The following RNF20 variants were observed in gnomAD, a reference collection of about 807,000 sequenced individuals.
RNF20 encodes the protein ring finger protein 20.
A neutral mutation model predicts 126.2 loss-of-function variants in RNF20; 84 were observed. That is an observed-to-expected ratio of 0.67 (90% CI 0.56 to 0.80). The LOEUF is 0.80. RNF20 is among the 30% of genes least tolerant of loss of function. RNF20 has a pLI of 0.00. For synonymous variants in RNF20, 400 were observed against 414.3 expected (o/e 0.97, Z 0.42); for missense variants, 869 against 1,188.2 (o/e 0.73, Z 3.95).
intron 5 of RNF20, among the ~76,000 whole-genome samples, chr9:101,544,032 T>G (rs534724168): frequency 6.7e-6 from 1 of 149,904 alleles, no homozygotes; most frequent in East Asian, 2.0e-4. Flanking sequence ...AAGCATATTT[T>G]TCTTCCTGAT....
chr9:101,555,715 G>A (rs2118729220), intron 15 of RNF20, among the ~76,000 whole-genome samples: 1 of 152,046 alleles, frequency 6.6e-6, no homozygotes, highest in Middle Eastern at 3.4e-3. Flanking sequence ...ACTTTGGGAG[G>A]CCGAGGTGGA....
intron 5 of RNF20, among the ~76,000 whole-genome samples, chr9:101,543,574 ACCTGCCAGAGCGGCACTGTCTAAC>A (rs1387772610): frequency 4.6e-5 from 6 of 131,864 alleles, no homozygotes; most frequent in Non-Finnish European, 6.5e-5. Context: ...GCACTGTCTA[ACCTGCCAGAGCGGCACTGTCTAAC>A]CCTGCCAGGG....
chr9:101,562,147 A>T, intron 19 of RNF20, 99 bp from the exon 20 acceptor site: 3 of 1,362,426 alleles, frequency 2.2e-6, no homozygotes, highest in Non-Finnish European at 3.0e-6. Context: ...CTCTTTTTTT[A>T]GTGCCTTGTG....
intron 9 of RNF20, among the ~76,000 whole-genome samples, chr9:101,549,652 C>T (rs1192395451): frequency 2.6e-5 from 4 of 152,108 alleles, no homozygotes; most frequent in South Asian, 2.1e-4. Context: ...CGCTAGACCA[C>T]GGTCCACCTG....
At chr9:101,548,665 CT>C (rs1827392305) in intron 9 of RNF20, among the ~76,000 whole-genome samples, 2 of 152,160 alleles carry the variant, frequency 1.3e-5, no homozygotes, top group Admixed American at 6.5e-5. Flanking sequence ...GATATATCTA[CT>C]TCTTTACTTA....
At chr9:101,537,824 TTAA>T (rs1325086207) in intron 2 of RNF20, among the ~76,000 whole-genome samples, 1 of 152,176 alleles carries the variant, frequency 6.6e-6, no homozygotes, top group Non-Finnish European at 1.5e-5. Context: ...GGTGTTATAT[TTAA>T]TAATAGTTCA....
At chr9:101,562,044 G>C (rs1220123974) in intron 19 of RNF20, 33 bp downstream of exon 19, 1 of 1,507,216 alleles carries the variant, frequency 6.6e-7, no homozygotes, top group East Asian at 2.3e-5. Flanking sequence ...TTAGTTTTTT[G>C]TCAAAGCTTT....
intron 16 of RNF20, among the ~76,000 whole-genome samples, chr9:101,557,814 A>G (rs1034439715): frequency 1.3e-5 from 2 of 152,178 alleles, no homozygotes; most frequent in Non-Finnish European, 2.9e-5. Context: ...ATCTGCTAAT[A>G]TGGAAACATG....
At chr9:101,556,872 G>T (rs1191565957) in intron 15 of RNF20, among the ~76,000 whole-genome samples, 3 of 152,196 alleles carry the variant, frequency 2.0e-5, no homozygotes, top group Non-Finnish European at 4.4e-5. Context: ...AAAGAAATGA[G>T]TTGGTTATGG....
At chr9:101,542,303 G>A (rs1017588842) in intron 5 of RNF20, among the ~76,000 whole-genome samples, 1 of 152,182 alleles carries the variant, frequency 6.6e-6, no homozygotes, top group Non-Finnish European at 1.5e-5. Flanking sequence ...ATACAAGTCA[G>A]AAATACAAAT....
intron 2 of RNF20, 113 bp from the exon 3 acceptor site, chr9:101,540,090 T>C: frequency 9.7e-7 from 1 of 1,028,090 alleles, no homozygotes; most frequent in Non-Finnish European, 1.4e-6. Flanking sequence ...TTTTTAAAAG[T>C]CAATAGCTTT....
intron 16 of RNF20, among the ~76,000 whole-genome samples, chr9:101,558,563 C>A (rs1299846631): frequency 1.3e-5 from 2 of 152,178 alleles, no homozygotes; most frequent in Non-Finnish European, 2.9e-5. Context: ...TCCATGCCAA[C>A]ACCTATTATT....
chr9:101,548,734 C>A (rs1488390322), intron 9 of RNF20, among the ~76,000 whole-genome samples: 1 of 152,032 alleles, frequency 6.6e-6, no homozygotes, highest in Non-Finnish European at 1.5e-5. Flanking sequence ...AAGCAACATA[C>A]AAAGATATGT....
intron 15 of RNF20, among the ~76,000 whole-genome samples, chr9:101,556,626 A>C (rs541711245): frequency 3.3e-5 from 5 of 152,280 alleles, no homozygotes; most frequent in African/African-American, 1.2e-4. Context: ...TGGAGTGGAG[A>C]CCTTTCTATG....
chr9:101,550,576 GCTT>G, intron 9 of RNF20, 27 bp from the exon 10 acceptor site: 1 of 1,599,840 alleles, frequency 6.3e-7, no homozygotes, highest in African/African-American at 1.3e-5. Context: ...GCTAGATTCT[GCTT>G]CTGACTTTGC....
At chr9:101,540,182 T>C (rs767025610) in intron 2 of RNF20, 21 bp from the exon 3 acceptor site, 2 of 1,610,884 alleles carry the variant, frequency 1.2e-6, no homozygotes, top group East Asian at 2.2e-5. Flanking sequence ...TGGAGACTAA[T>C]ACGATTGGTT....
At chr9:101,534,449 A>G (rs1430076352) in intron 1 of RNF20, 2 of 152,238 alleles carry the variant, frequency 1.3e-5, no homozygotes, top group East Asian at 1.9e-4. Context: ...AGGGTTGCAT[A>G]AAACAGTGGA....
chr9:101,554,411 T>C (rs571207258), intron 14 of RNF20, among the ~76,000 whole-genome samples: 102 of 152,278 alleles, frequency 6.7e-4, no homozygotes, highest in African/African-American at 2.3e-3. Context: ...TGTCTTATGC[T>C]CTTAAAATTT....
In RNF20 at chr9:101,552,552, AAGAACG is replaced by A; in HGVS notation, c.1711_1716del (p.Glu572_Arg573del). The A allele has an allele frequency of 1.2e-6, 2 of 1,613,500 alleles. No homozygotes were observed. Among genetic ancestry groups the A allele is most frequent in the African/African-American group, 1.3e-5 (1 of 75,010 alleles). ...GAAATCAAGTCTAAACGGGATGAAG[AAGAACG>A]AGAACGAGAAAGGAGGGAGAAGGAG... On this transcript the variant is annotated inframe_deletion, in exon 13 of 20. Coordinates refer to ENST00000389120, the MANE Select transcript of RNF20 (RefSeq NM_019592.7).
Sources: gnomAD v4.1 joint callset for allele counts (sites outside exome capture counted in the v4.1 genomes callset) on GRCh38, gnomAD v4.1.1 for gene constraint, MANE v1.5 for transcripts, NCBI Gene and HGNC (gene_info 2026-07-23, HGNC 2026-07-21) for gene names.